Variants in MAST2 observed in about 807,000 individuals in gnomAD.
The protein encoded by MAST2 is microtubule associated serine/threonine kinase 2.
MAST2 carries 70 observed loss-of-function variants against 147.4 expected under a neutral mutation model. That is an observed-to-expected ratio of 0.47 (90% CI 0.39 to 0.58). MAST2 has a LOEUF of 0.58. MAST2 is among the 20% of genes least tolerant of loss of function. The pLI, the probability that MAST2 is intolerant of heterozygous loss-of-function variation, is 0.00. For synonymous variants in MAST2, 869 were observed against 896.8 expected (o/e 0.97, Z 0.55); for missense variants, 2,080 against 2,302.3 (o/e 0.90, Z 1.98).
At chr1:45,959,116 G>A (rs529518679) in intron 4 of MAST2, among the ~76,000 whole-genome samples, 8 of 152,236 alleles carry the variant, frequency 5.3e-5, no homozygotes, top group Non-Finnish European at 8.8e-5. Context: ...AGCTCCTTGT[G>A]TTTGCTTGGG....
intron 4 of MAST2, among the ~76,000 whole-genome samples, chr1:45,935,304 A>G (rs1488408473): frequency 1.3e-5 from 2 of 152,288 alleles, no homozygotes; most frequent in East Asian, 1.9e-4. Context: ...GACCTTTGTC[A>G]GATGTATATT....
At chr1:46,018,645 C>T (rs1031369995) in intron 10 of MAST2, among the ~76,000 whole-genome samples, 6 of 152,138 alleles carry the variant, frequency 3.9e-5, no homozygotes, top group Non-Finnish European at 5.9e-5. Flanking sequence ...AGTTCTTAAA[C>T]GGTTCTGCCA....
chr1:45,897,963 G>C (rs1235495022), intron 4 of MAST2, among the ~76,000 whole-genome samples: 1 of 151,976 alleles, frequency 6.6e-6, no homozygotes, highest in African/African-American at 2.4e-5. Flanking sequence ...AGAAAAATTA[G>C]CTGGGCATGG....
chr1:46,016,039 G>A (rs1026974848), intron 10 of MAST2, among the ~76,000 whole-genome samples: 5 of 151,880 alleles, frequency 3.3e-5, no homozygotes, highest in Admixed American at 2.0e-4. Context: ...ATCAATAAAT[G>A]TAATCCAGCA....
intron 5 of MAST2, among the ~76,000 whole-genome samples, chr1:45,989,529 T>C (rs1243516195): frequency 2.0e-5 from 3 of 152,226 alleles, no homozygotes; most frequent in Non-Finnish European, 4.4e-5. Context: ...TGCATTCTTC[T>C]CTGGGATCCT....
intron 5 of MAST2, among the ~76,000 whole-genome samples, chr1:45,976,366 G>A (rs1052437005): frequency 6.6e-5 from 10 of 152,154 alleles, no homozygotes; most frequent in African/African-American, 2.4e-4. Context: ...GGAGGCTGAG[G>A]TGGGCAGATC....
chr1:45,888,216 G>A (rs915913425), intron 4 of MAST2, among the ~76,000 whole-genome samples: 9 of 152,002 alleles, frequency 5.9e-5, no homozygotes, highest in African/African-American at 1.7e-4. Context: ...CAAAAATCAG[G>A]TCCTCTCTTA....
At chr1:45,884,585 T>C (rs1647000156) in intron 4 of MAST2, among the ~76,000 whole-genome samples, 1 of 152,042 alleles carries the variant, frequency 6.6e-6, no homozygotes, top group Non-Finnish European at 1.5e-5. Flanking sequence ...AAAAGCCTAC[T>C]CTGTGCTGGG....
rs746251392 is a variant in MAST2 at position 46,030,131 on chromosome 1, C to T, written c.2446C>T (p.Arg816Cys). Residue 816 changes from arginine (R) to cysteine (C), a missense_variant and splice_region_variant, in exon 21 of 29, where the codon CGC (arginine) becomes TGC (cysteine). Transcript: ENST00000361297. Reference sequence around the variant, plus strand: ...AGTGTCCTTTATGTCTGGCCCAGCCCGCTCAGAGCGATACCACCACATGGA... The same window carrying T: ...AGTGTCCTTTATGTCTGGCCCAGCCTGCTCAGAGCGATACCACCACATGGA... ...SEDDTSYFDT[R>C]SERYHHMDSE... is the part of the protein sequence containing the mutation. The T allele has an allele frequency of 4.3e-6, 7 of 1,614,050 alleles. No individual in the cohort carries two copies. Among genetic ancestry groups the T allele is most frequent in the Admixed American group, 1.7e-5 (1 of 60,010 alleles).
chr1:46,001,007 G>T (rs2149180578), intron 6 of MAST2: 1 of 1,288,272 alleles, frequency 7.8e-7, no homozygotes, highest in South Asian at 1.2e-5. Context: ...GGGGAGAGGG[G>T]CTGGGAAACT....
chr1:45,849,672 G>T (rs928516826), intron 3 of MAST2, among the ~76,000 whole-genome samples: 11 of 151,954 alleles, frequency 7.2e-5, no homozygotes, highest in African/African-American at 2.7e-4. Flanking sequence ...GACTACAGGC[G>T]CCCGCCACCA....
chr1:45,921,754 G>C (rs368760153), intron 4 of MAST2, among the ~76,000 whole-genome samples: 1 of 152,154 alleles, frequency 6.6e-6, no homozygotes, highest in Non-Finnish European at 1.5e-5. Context: ...GAGCTCTCAG[G>C]TCTGGTCTCT....
intron 4 of MAST2, among the ~76,000 whole-genome samples, chr1:45,888,328 T>C (rs1647180618): frequency 6.6e-6 from 1 of 152,116 alleles, no homozygotes; most frequent in African/African-American, 2.4e-5. Context: ...CTGTTATACC[T>C]CTCAAATATC....
rs147263448 is a variant in MAST2 at position 45,872,429 on chromosome 1, A to G, written c.469-9935A>G. Among the ~76,000 whole-genome samples the G allele has an allele frequency of 2.0e-4, 30 of 150,684 alleles. No individual in the cohort carries two copies. The East Asian group carries it at 5.2e-3, about 26-fold the overall frequency. On this transcript the variant is annotated intron_variant, in intron 3 of 28. Transcript: ENST00000361297. ...ATGGCTTTAGTCATTGTGAATAATG[A>G]GTAGTGCATATAGGCAGTGAATCCT...
intron 3 of MAST2, among the ~76,000 whole-genome samples, chr1:45,859,442 A>G (rs539988192): frequency 6.6e-6 from 1 of 152,318 alleles, no homozygotes; most frequent in South Asian, 2.1e-4. Flanking sequence ...TTACTAGGTA[A>G]GAGCTGAAGT....
chr1:45,950,442 AC>A (rs1460296503), intron 4 of MAST2, among the ~76,000 whole-genome samples: 1 of 152,178 alleles, frequency 6.6e-6, no homozygotes, highest in African/African-American at 2.4e-5. Context: ...GATAAAAAGA[AC>A]TTTCTTAATC....
At chr1:46,001,099 A>G (rs1571152974) in intron 6 of MAST2, 13 of 776,256 alleles carry the variant, frequency 1.7e-5, no homozygotes, top group South Asian at 4.3e-5. Context: ...GACTGTGGGT[A>G]TGAACATTGG....
At chr1:45,830,491 T>C (rs995505539) in intron 3 of MAST2, among the ~76,000 whole-genome samples, 3 of 152,142 alleles carry the variant, frequency 2.0e-5, no homozygotes, top group African/African-American at 7.2e-5. Context: ...TCTATTTTGA[T>C]TGCCCTCTCA....
intron 5 of MAST2, among the ~76,000 whole-genome samples, chr1:45,962,443 A>T (rs1660565286): frequency 6.6e-6 from 1 of 152,092 alleles, no homozygotes; most frequent in Admixed American, 6.5e-5. Context: ...TTGTTTCCTG[A>T]CTTTTTAATG....
Sources: gnomAD v4.1 joint callset for allele counts (sites outside exome capture counted in the v4.1 genomes callset) on GRCh38, gnomAD v4.1.1 for gene constraint, MANE v1.5 for transcripts, NCBI Gene and HGNC (gene_info 2026-07-23, HGNC 2026-07-21) for gene names.